EIF4G1: variants seen among roughly 807,000 people sequenced by gnomAD.
EIF4G1 encodes EIF4-gamma.
A neutral mutation model predicts 187.8 loss-of-function variants in EIF4G1; 4 were observed. The observed-to-expected ratio is 0.02, with a 90% confidence interval of 0.01 to 0.05. The LOEUF is 0.05. Ranked by LOEUF, EIF4G1 falls within the 10% of genes least tolerant of loss-of-function variation. The probability of loss-of-function intolerance (pLI) is 1.00; values close to 1 mark genes in which losing one functional copy is unlikely to be tolerated. For missense variants in EIF4G1, 1,647 were observed against 2,081.1 expected (o/e 0.79, Z 4.06); for synonymous variants, 844 against 781.4 (o/e 1.08, Z -1.34).
Position 184,323,371 on chromosome 3 carries a change from TC to T in EIF4G1, c.2089-35del. 6.2e-7 allele frequency: 1 copy of T among 1,613,810 alleles called. No individual in the cohort carries two copies. The highest frequency in any genetic ancestry group is 8.5e-7 in the Non-Finnish European group (1 of 1,179,878). On this transcript the variant is annotated intron_variant, in intron 14 of 32. Transcript: ENST00000346169. This position sits in a 1 kb window ranked among gnomAD's most constrained non-coding sequence, Gnocchi z 6.9. ...GGTGTCACATATTGTGCTGACTAGT[TC>T]CATGTCCCCTCTTGTCTTCATCCCT...
intron 4 of EIF4G1, chr3:184,316,594 TC>T: frequency 1.0e-6 from 1 of 986,654 alleles, no homozygotes; most frequent in East Asian, 2.5e-5. Context: ...CTTTCTCTGT[TC>T]CCCAGCTTCT....
chr3:184,331,182 T>C, intron 28 of EIF4G1, 84 bp from the exon 29 acceptor site: 1 of 1,418,104 alleles, frequency 7.1e-7, no homozygotes, highest in East Asian at 2.3e-5. Flanking sequence ...TTTCAGTAAA[T>C]ATTTGTTGGA....
intron 21 of EIF4G1, 135 bp from the exon 22 acceptor site, chr3:184,326,392 A>G (rs531366541): frequency 5.9e-6 from 5 of 844,980 alleles, no homozygotes; most frequent in African/African-American, 5.0e-5. Context: ...TGCAATAGAG[A>G]CTGGCCCTTT....
At chr3:184,331,638 G>C in intron 30 of EIF4G1, 32 bp downstream of exon 30, 3 of 1,560,810 alleles carry the variant, frequency 1.9e-6, no homozygotes, top group Non-Finnish European at 2.6e-6. Context: ...ATAAAGGAAA[G>C]GTAGTTCTTA....
chr3:184,321,695 G>C lies in EIF4G1; in HGVS notation c.1111G>C (p.Glu371Gln). The change falls in exon 10 of 33, where the codon GAA (glutamate) becomes CAA (glutamine). Residue 371 changes from glutamate to glutamine, a missense_variant. Glu to Gln is a conservative substitution (Grantham distance 29). Around this residue, in one of 11 missense-constraint regions of EIF4G1, gnomAD observed 522 missense variants for 485.2 expected, o/e 1.08. Transcript: ENST00000346169. ...TGGCATGGTCCCATCTGAAGATCTG[G>C]AACCAGAGGTGGAGTCAAGCCCAGA... ...PNGMVPSEDL[E>Q]PEVESSPELA... is the part of the protein sequence containing the mutation. 1 of 1,593,520 alleles carries C rather than the reference G, an allele frequency of 6.3e-7. No homozygotes were observed. Among genetic ancestry groups the C allele is most frequent in the African/African-American group, 1.3e-5 (1 of 74,458 alleles).
intron 26 of EIF4G1, chr3:184,328,338 C>T (rs1426658752): frequency 4.1e-6 from 2 of 490,948 alleles, no homozygotes; most frequent in Non-Finnish European, 7.4e-6. Flanking sequence ...TTGCAGTGAG[C>T]CGAGATCGTG....
chr3:184,331,729 C>T lies in EIF4G1; in HGVS notation c.4397C>T (p.Ala1466Val), dbSNP rs1220815976. The part of the protein sequence containing the change: ...SNQRVFDWIE[A>V]NLSEQQIVSN... ...GGATCATTTGTTTCTCCCATACAGG[C>T]CAACCTGAGTGAGCAGCAGATAGTA... Residue 1466 changes from alanine (A) to valine (V), a missense_variant and splice_region_variant, in exon 31 of 33, where the codon GCC (alanine) becomes GTC (valine). Physicochemically the swap from Ala to Val is moderately conservative, Grantham distance 64. This residue lies in a region of EIF4G1 where 543 missense variants were observed against 638.0 expected (regional missense o/e 0.85). Coordinates refer to ENST00000346169, the MANE Select transcript of EIF4G1 (RefSeq NM_198241.3). The T allele has an allele frequency of 1.2e-6, 2 of 1,614,194 alleles. No individual in the cohort carries two copies. The highest frequency in any genetic ancestry group is 1.7e-5 in the Admixed American group (1 of 60,020).
At chr3:184,320,023 C>T (rs1366671115) in intron 7 of EIF4G1, among the ~76,000 whole-genome samples, 1 of 152,162 alleles carries the variant, frequency 6.6e-6, no homozygotes, top group African/African-American at 2.4e-5. Context: ...GAAGTTCCTG[C>T]GAGACCTGGG....
Position 184,331,702 on chromosome 3 carries a change from G to A in EIF4G1, c.4396-26G>A, listed in dbSNP as rs766507429. 3 of 1,614,018 alleles carry A rather than the reference G, an allele frequency of 1.9e-6. No individual in the cohort carries two copies. The East Asian group carries it at 6.7e-5, about 36-fold the overall frequency. The stretch of plus-strand genomic sequence containing the variant: ...GACTGAAGGGCCCAATTCAGAATCT[G>A]GGGATCATTTGTTTCTCCCATACAG... On this transcript the variant is annotated intron_variant, in intron 30 of 32. Coordinates refer to ENST00000346169, the MANE Select transcript of EIF4G1 (RefSeq NM_198241.3).
chr3:184,320,229 G>T, intron 7 of EIF4G1: 1 of 1,192,518 alleles, frequency 8.4e-7, no homozygotes, highest in Non-Finnish European at 1.1e-6. Context: ...TGGGGAAGCC[G>T]CTGAGTCACC....
Position 184,323,535 on chromosome 3 carries a change from A to G in EIF4G1, c.2216A>G (p.Lys739Arg), listed in dbSNP as rs905875693. Reference protein sequence around the residue: ...KAEKAWKPSSKRTAADKDRGE... With the variant: ...KAEKAWKPSSRRTAADKDRGE... ...GAGAAAGCCTGGAAACCCAGCAGCA[A>G]GCGGACGGCGGCTGATAAGGATCGA... Residue 739 changes from lysine (K) to arginine (R), a missense_variant, in exon 15 of 33, where the codon AAG (lysine) becomes AGG (arginine). By Grantham distance (26) the Lys-to-Arg change is conservative. Coordinates refer to ENST00000346169, the MANE Select transcript of EIF4G1 (RefSeq NM_198241.3). The surrounding 1 kb of genome is among the most constrained non-coding windows in gnomAD (Gnocchi z 6.9). The G allele has an allele frequency of 3.1e-6, 5 of 1,614,096 alleles. No homozygotes were observed. The highest frequency in any genetic ancestry group is 2.5e-6 in the Non-Finnish European group (3 of 1,180,050).
intron 16 of EIF4G1, 89 bp from the exon 17 acceptor site, chr3:184,324,112 G>C: frequency 6.2e-7 from 1 of 1,608,062 alleles, no homozygotes; most frequent in Non-Finnish European, 8.5e-7. Flanking sequence ...TGGGGCCAGA[G>C]ATCTTCCTGG....
In EIF4G1 at chr3:184,332,067, G is replaced by T; in HGVS notation, c.4599G>T (p.Val1533=). Residue 1533 remains valine, a synonymous_variant, in exon 32 of 33, where the codon GTG becomes GTT. Transcript: ENST00000346169. ...QALYALQALV[V]TLEQPPNLLR... is the part of the protein sequence containing the mutation. ...TCTACGCCCTCCAGGCCCTTGTAGT[G>T]ACCTTAGAACAGCCTCCCAGTAAGA... 1 of 1,614,182 alleles carries T rather than the reference G, an allele frequency of 6.2e-7. No individual in the cohort carries two copies. The highest frequency in any genetic ancestry group is 1.1e-5 in the South Asian group (1 of 91,066).
At chr3:184,322,515 A>G (rs1724095356) in intron 11 of EIF4G1, 29 bp from the exon 12 acceptor site, 2 of 1,613,956 alleles carry the variant, frequency 1.2e-6, no homozygotes, top group African/African-American at 2.7e-5. Flanking sequence ...GTCATTCTGC[A>G]ACCAAAACTG....
Position 184,320,680 on chromosome 3 carries a change from C to T in EIF4G1, c.588C>T (p.Ile196=). The change falls in exon 8 of 33, where the codon ATC becomes ATT. Residue 196 remains isoleucine (I), a synonymous_variant. Transcript: ENST00000346169. The stretch of plus-strand genomic sequence containing the variant: ...GAGGAAAGGATATCACAGAGGAGAT[C>T]ATGTCTGGGGCCCGCACTGCCTCCA... ...NQGGKDITEE[I]MSGARTASTP... 6.2e-7 allele frequency: 1 copy of T among 1,614,112 alleles called. No homozygotes were observed. The highest frequency in any genetic ancestry group is 8.5e-7 in the Non-Finnish European group (1 of 1,180,014).
At chr3:184,316,709 T>C in intron 4 of EIF4G1, 1 of 1,595,488 alleles carries the variant, frequency 6.3e-7, no homozygotes, top group Non-Finnish European at 8.5e-7. Flanking sequence ...CCATGTGCTC[T>C]CAGGGAGGAT....
At chr3:184,330,361 A>G (rs984979596) in intron 28 of EIF4G1, among the ~76,000 whole-genome samples, 1 of 152,218 alleles carries the variant, frequency 6.6e-6, no homozygotes, top group Admixed American at 6.5e-5. Flanking sequence ...CCTGGGCGAC[A>G]GAGCAAGACT....
rs982020830 is a variant in EIF4G1 at position 184,329,796 on chromosome 3, T to C, written c.4161+806T>C. Among the ~76,000 whole-genome samples the C allele has an allele frequency of 5.3e-5, 8 of 152,140 alleles. No homozygotes were observed. In the East Asian group the frequency reaches 1.2e-3, roughly 22 times the overall value. On this transcript the variant is annotated intron_variant, in intron 28 of 32. Transcript: ENST00000346169. ...GCTGAAGCGGCTTTGTGAAAGTTAA[T>C]TGGTAACTAGCGAATATAAAGGTAA...
intron 31 of EIF4G1, 53 bp from the exon 32 acceptor site, chr3:184,331,893 G>A (rs757167311): frequency 3.3e-5 from 54 of 1,613,990 alleles, no homozygotes; most frequent in African/African-American, 1.1e-4. Context: ...TGGCCTCCCA[G>A]TTCTGAACCG....
Sources: allele counts gnomAD v4.1 joint callset (sites outside exome capture counted in the v4.1 genomes callset), GRCh38; gene constraint gnomAD v4.1.1; regional missense constraint gnomAD v4.1.1; non-coding constraint Gnocchi (gnomAD v3.1); transcripts MANE v1.5; gene names NCBI Gene and HGNC (gene_info 2026-07-23, HGNC 2026-07-21).